The following SLC39A11 variants were observed in gnomAD, a reference collection of about 807,000 sequenced individuals.
SLC39A11 encodes zinc transporter ZIP11.
Under a neutral mutation model 36.1 loss-of-function variants are expected in SLC39A11, and 33 were observed. That is an observed-to-expected ratio of 0.91 (90% confidence interval 0.69 to 1.22). The LOEUF (loss-of-function observed/expected upper bound fraction) is 1.22, where lower values mean the gene tolerates loss of function less well. SLC39A11 is among the 50% of genes most tolerant of loss of function. The pLI is 0.00. For missense variants in SLC39A11, 432 were observed against 430.3 expected (o/e 1.00, Z -0.03); for synonymous variants, 166 against 170.3 (o/e 0.97, Z 0.20).
intron 6 of SLC39A11, among the ~76,000 whole-genome samples, chr17:72,762,294 TGAC>T (rs1375102111): frequency 6.6e-6 from 1 of 152,202 alleles, no homozygotes; most frequent in Non-Finnish European, 1.5e-5. Flanking sequence ...ACCAAGATGG[TGAC>T]GAGAGTGACC....
At chr17:72,908,726 C>T (rs1037623635) in intron 5 of SLC39A11, among the ~76,000 whole-genome samples, 1 of 152,212 alleles carries the variant, frequency 6.6e-6, no homozygotes, top group Admixed American at 6.5e-5. Context: ...AGGACCCCAG[C>T]ATGGTGTCAT....
intron 4 of SLC39A11, among the ~76,000 whole-genome samples, chr17:73,004,167 G>GAAAGAAAGAAAGAAAGAAAGA (rs2090002954): frequency 2.3e-5 from 1 of 43,980 alleles, no homozygotes; most frequent in African/African-American, 9.0e-5. Flanking sequence ...AGGAAAAAAA[G>GAAAGAAAGAAAGAAAGAAAGA]AAAGAAAGAA....
chr17:72,667,774 A>T lies in SLC39A11; in HGVS notation c.672-18506T>A, dbSNP rs138787194. ...AAGCCCCTGCCCTACACCAGGCCCA[A>T]TGCTAAGCACTGTTCATGCATCTTC... is the stretch of plus-strand genomic sequence containing the variant. On this transcript the variant is annotated intron_variant, in intron 7 of 9. Transcript: ENST00000255559. 2.3e-3 allele frequency among the ~76,000 whole-genome samples: 354 copies of T among 152,370 alleles called. 2 individuals are homozygous for T. Among genetic ancestry groups the T allele is most frequent in the Middle Eastern group, 0.01 (3 of 294 alleles).
chr17:72,883,945 G>A (rs890482561), intron 5 of SLC39A11, among the ~76,000 whole-genome samples: 5 of 152,050 alleles, frequency 3.3e-5, no homozygotes, highest in Admixed American at 6.6e-5. Flanking sequence ...GCTTGAGCTC[G>A]GGAGTTCCAG....
At chr17:72,655,003 C>T (rs2070041579) in intron 7 of SLC39A11, among the ~76,000 whole-genome samples, 1 of 152,206 alleles carries the variant, frequency 6.6e-6, no homozygotes, top group African/African-American at 2.4e-5. Context: ...TTACCTCTGC[C>T]TTGCCCCAGC....
chr17:72,865,099 CAACAAAGGAAGGAA>C (rs2080233797), intron 5 of SLC39A11, among the ~76,000 whole-genome samples: 1 of 152,002 alleles, frequency 6.6e-6, no homozygotes, highest in Non-Finnish European at 1.5e-5. Flanking sequence ...TACAAGTTTG[CAACAAAGGAAGGAA>C]ATCATTAATG....
At chr17:72,869,055 T>G (rs1203903029) in intron 5 of SLC39A11, among the ~76,000 whole-genome samples, 1 of 152,192 alleles carries the variant, frequency 6.6e-6, no homozygotes, top group Non-Finnish European at 1.5e-5. Context: ...CCATGAGATC[T>G]TTAAAAGAGA....
intron 6 of SLC39A11, among the ~76,000 whole-genome samples, chr17:72,745,028 G>T (rs996983916): frequency 6.6e-6 from 1 of 151,364 alleles, no homozygotes; most frequent in African/African-American, 2.4e-5. Flanking sequence ...TTCTAGTAGA[G>T]ATGGGGTTTC....
At chr17:73,088,266 G>C (rs1015354194) in intron 2 of SLC39A11, among the ~76,000 whole-genome samples, 1 of 148,294 alleles carries the variant, frequency 6.7e-6, no homozygotes, top group Non-Finnish European at 1.5e-5. Flanking sequence ...TGCACGCCAG[G>C]CTGGGCAACA....
intron 5 of SLC39A11, among the ~76,000 whole-genome samples, chr17:72,875,868 T>G (rs371557697): frequency 1.5e-4 from 23 of 152,254 alleles, no homozygotes; most frequent in African/African-American, 5.1e-4. Flanking sequence ...AGCTTTCTAT[T>G]AGACATGTCC....
chr17:72,720,575 A>C (rs2073619580), intron 7 of SLC39A11, among the ~76,000 whole-genome samples: 2 of 152,160 alleles, frequency 1.3e-5, no homozygotes, highest in Non-Finnish European at 2.9e-5. Context: ...TGGGCTGGCC[A>C]TCTAGCTGTA....
chr17:72,755,973 T>C (rs1801968035), intron 6 of SLC39A11, among the ~76,000 whole-genome samples: 1 of 152,158 alleles, frequency 6.6e-6, no homozygotes, highest in Admixed American at 6.5e-5. Context: ...CCAATCCCAA[T>C]ATGGGTAACG....
intron 6 of SLC39A11, among the ~76,000 whole-genome samples, chr17:72,835,579 G>A (rs1261217095): frequency 6.6e-6 from 1 of 152,206 alleles, no homozygotes; most frequent in Admixed American, 6.5e-5. Flanking sequence ...TCCTGCCTCA[G>A]CCTCCTGAGT....
At chr17:72,742,972 T>C (rs2567471) in intron 6 of SLC39A11, among the ~76,000 whole-genome samples, 129,113 of 152,144 alleles carry the variant, frequency 0.85, 55,857 homozygotes, top group African/African-American at 0.97. Flanking sequence ...TTTCAAAATG[T>C]CCCCAAAATT....
chr17:72,949,057 T>C (rs1452169927), intron 4 of SLC39A11, among the ~76,000 whole-genome samples: 1 of 147,012 alleles, frequency 6.8e-6, no homozygotes, highest in African/African-American at 2.5e-5. Flanking sequence ...ATCATCTCAA[T>C]TGGCAAAAAA....
intron 4 of SLC39A11, among the ~76,000 whole-genome samples, chr17:73,028,278 G>A (rs542450392): frequency 3.3e-5 from 5 of 152,314 alleles, no homozygotes; most frequent in South Asian, 2.1e-4. Flanking sequence ...CTATAAACGC[G>A]TGGGTGCTCA....
At chr17:72,729,424 TATATATATATATATATATATA>T (rs2074083096) in intron 7 of SLC39A11, among the ~76,000 whole-genome samples, 4 of 2,262 alleles carry the variant, frequency 1.8e-3, no homozygotes, top group Non-Finnish European at 3.2e-3. Flanking sequence ...TATATATATA[TATATATATATATATATATATA>T]TATATATATA....
intron 5 of SLC39A11, among the ~76,000 whole-genome samples, chr17:72,894,804 G>A (rs1454156257): frequency 1.3e-5 from 2 of 152,198 alleles, no homozygotes; most frequent in African/African-American, 4.8e-5. Flanking sequence ...CTAGGCAATG[G>A]GAGAAACATC....
At chr17:72,715,536 C>T (rs777400899) in intron 7 of SLC39A11, among the ~76,000 whole-genome samples, 24 of 152,072 alleles carry the variant, frequency 1.6e-4, no homozygotes, top group Non-Finnish European at 1.5e-4. Context: ...TGAAATAGGA[C>T]GGACACAAAG....
Sources: allele counts gnomAD v4.1 joint callset (sites outside exome capture counted in the v4.1 genomes callset), GRCh38; gene constraint gnomAD v4.1.1; transcripts MANE v1.5; gene names NCBI Gene and HGNC (gene_info 2026-07-23, HGNC 2026-07-21).